TLL2: variants seen among roughly 807,000 people sequenced by gnomAD.
TLL2 encodes tolloid like 2.
A neutral mutation model predicts 123.0 loss-of-function variants in TLL2; 106 were observed. The observed-to-expected ratio is 0.86, with a 90% confidence interval of 0.74 to 1.01. The LOEUF is 1.01. TLL2 is among the 50% of genes least tolerant of loss of function. The probability of loss-of-function intolerance (pLI) is 0.00; values close to 1 mark genes in which losing one functional copy is unlikely to be tolerated. For missense variants in TLL2, 1,332 were observed against 1,336.7 expected (o/e 1.00, Z 0.06); for synonymous variants, 494 against 516.8 (o/e 0.96, Z 0.60).
intron 3 of TLL2, among the ~76,000 whole-genome samples, chr10:96,434,177 CT>C (rs1482702770): frequency 1.3e-5 from 2 of 152,054 alleles, no homozygotes; most frequent in African/African-American, 4.8e-5. Flanking sequence ...CTTCTTTTCT[CT>C]CTTATTTAAA....
At position 96,386,197 on chromosome 10, in the gene TLL2, A is replaced by G. The variant is rs1846233766; in HGVS notation, c.1871T>C (p.Ile624Thr). 1 of 1,600,374 alleles carries G rather than the reference A, an allele frequency of 6.2e-7. No homozygotes were observed. Among genetic ancestry groups the G allele is most frequent in the East Asian group, 2.3e-5 (1 of 44,360 alleles). The change falls in exon 15 of 21, where the codon ATT (isoleucine) becomes ACT (threonine). Residue 624 changes from isoleucine (I) to threonine (T), a missense_variant. Transcript: ENST00000357947. ...KMCEVACGGF[I>T]TKLNGTITSP... ...GGTGATGGTTCCATTCAGCTTGGTAATGAAACCGCCACAGGCCACTGCACG... is the reference window on the plus strand; with the variant it reads ...GGTGATGGTTCCATTCAGCTTGGTAGTGAAACCGCCACAGGCCACTGCACG...
At chr10:96,400,370 A>C (rs201079205) in intron 10 of TLL2, among the ~76,000 whole-genome samples, 16,585 of 151,208 alleles carry the variant, frequency 0.11, 1,154 homozygotes, top group South Asian at 0.19. Context: ...AAAAAAAAAA[A>C]AAAAAAAAAA....
chr10:96,370,161 C>G lies in TLL2; in HGVS notation c.2817G>C (p.Glu939Asp). The G allele has an allele frequency of 1.2e-6, 2 of 1,614,112 alleles. No homozygotes were observed. Among genetic ancestry groups the G allele is most frequent in the African/African-American group, 2.7e-5 (2 of 75,050 alleles). The change falls in exon 20 of 21, where the codon GAG becomes GAC. Residue 939 changes from glutamate (E) to aspartate (D), a missense_variant. By Grantham distance (45) the Glu-to-Asp change is conservative (BLOSUM62 2). Transcript: ENST00000357947. ...AGCCGCAGTCGGCCTCCTCCTCAAC[C>G]TCAAAGGTCCGGAATGTCAGCTCCA... ...YGVELTFRTF[E>D]VEEEADCGYD...
chr10:96,480,197 T>G, intron 2 of TLL2, 152 bp downstream of exon 2: 1 of 647,456 alleles, frequency 1.5e-6, no homozygotes, highest in Non-Finnish European at 2.7e-6. Context: ...CTGGCTCCAG[T>G]GGAGAAGGAG....
At chr10:96,473,185 T>C (rs1295301310) in intron 2 of TLL2, among the ~76,000 whole-genome samples, 2 of 152,154 alleles carry the variant, frequency 1.3e-5, no homozygotes, top group African/African-American at 4.8e-5. Flanking sequence ...CTGGGCGTGT[T>C]GGCTAATCCC....
At chr10:96,405,144 C>T (rs1215875281) in intron 10 of TLL2, 88 bp downstream of exon 10, 20 of 1,228,524 alleles carry the variant, frequency 1.6e-5, no homozygotes, top group Admixed American at 1.2e-4. Context: ...TTCCTGTGAC[C>T]GCTGTCAAGG....
At chr10:96,434,180 T>C (rs1199856244) in intron 3 of TLL2, among the ~76,000 whole-genome samples, 6 of 152,226 alleles carry the variant, frequency 3.9e-5, no homozygotes, top group Non-Finnish European at 1.5e-5. Flanking sequence ...CTTTTCTCTC[T>C]TATTTAAAAA....
intron 9 of TLL2, among the ~76,000 whole-genome samples, chr10:96,407,145 C>T (rs1463969904): frequency 2.0e-5 from 3 of 152,090 alleles, no homozygotes; most frequent in Non-Finnish European, 2.9e-5. Flanking sequence ...GCTCTCTGTG[C>T]CCCCATCTCA....
intron 4 of TLL2, 64 bp downstream of exon 4, chr10:96,432,743 A>C: frequency 6.4e-7 from 1 of 1,567,850 alleles, no homozygotes; most frequent in Non-Finnish European, 8.7e-7. Context: ...TCCTAGAAGG[A>C]CTCTCTCAAC....
rs1554939631 is a variant in TLL2 at position 96,476,241 on chromosome 10, T to TATATATATATATATATATATATATTC, written c.286+4107_286+4108insGAATATATATATATATATATATATAT. On this transcript the variant is annotated intron_variant, in intron 2 of 20. Coordinates refer to ENST00000357947, the MANE Select transcript of TLL2 (RefSeq NM_012465.4). ...TTATATGTATATATATATATATATA[T>TATATATATATATATATATATATATTC]TTTATTTTTGTTGTTGTTGTTGTTG... Among the ~76,000 whole-genome samples, 33 of 72,314 alleles carry TATATATATATATATATATATATATTC rather than the reference T, an allele frequency of 4.6e-4. 1 individual carries two copies. Among genetic ancestry groups the TATATATATATATATATATATATATTC allele is most frequent in the African/African-American group, 1.3e-3 (26 of 19,344 alleles). 47.4% of individuals were successfully genotyped at this position (72,314 alleles called of 152,430 possible).
In TLL2 at chr10:96,387,005, C is replaced by G; in HGVS notation, c.1800G>C (p.Lys600Asn). ...GCTCGTAGCCAGGGTCACAGGCACA[C>G]TTGTAGCTGCCCAGCGTGTTCACAC... ...HRCVNTLGSY[K>N]CACDPGYELA... is the part of the protein sequence containing the mutation. Residue 600 changes from lysine (K) to asparagine (N), a missense_variant, in exon 14 of 21, where the codon AAG becomes AAC. Physicochemically the swap from Lys to Asn is moderately conservative, Grantham distance 94. Transcript: ENST00000357947. 1 of 1,614,178 alleles carries G rather than the reference C, an allele frequency of 6.2e-7. No homozygotes were observed. Among genetic ancestry groups the G allele is most frequent in the Non-Finnish European group, 8.5e-7 (1 of 1,180,050 alleles).
At chr10:96,423,703 T>G (rs1415147176) in intron 5 of TLL2, among the ~76,000 whole-genome samples, 1 of 152,218 alleles carries the variant, frequency 6.6e-6, no homozygotes, top group Non-Finnish European at 1.5e-5. Flanking sequence ...TATGTGCATT[T>G]GAAATTTTGA....
intron 18 of TLL2, chr10:96,374,709 C>G (rs1460993357): frequency 6.6e-6 from 1 of 152,270 alleles, no homozygotes; most frequent in East Asian, 1.9e-4. Context: ...TTCTCCAACC[C>G]CCACTGCTAT....
chr10:96,421,075 C>G lies in TLL2; in HGVS notation c.818-14G>C, dbSNP rs750867593. On this transcript the variant is annotated splice_polypyrimidine_tract_variant and intron_variant, in intron 6 of 20. Transcript: ENST00000357947. ...TATACTCCTGACCTGTGACACAACA[C>G]TGTGTTAAGCCCTTTGAAAACCAAG... 2.5e-6 allele frequency: 4 copies of G among 1,606,018 alleles called. No individual in the cohort carries two copies. The East Asian group carries it at 8.9e-5, about 36-fold the overall frequency.
At chr10:96,476,248 T>TTTGTTG (rs1554939655) in intron 2 of TLL2, among the ~76,000 whole-genome samples, 26 of 69,194 alleles carry the variant, frequency 3.8e-4, no homozygotes, top group African/African-American at 8.1e-4. Flanking sequence ...ATATTTTATT[T>TTTGTTG]TTGTTGTTGT....
intron 1 of TLL2, 136 bp downstream of exon 1, chr10:96,513,374 TG>T: frequency 1.8e-6 from 2 of 1,124,888 alleles, no homozygotes; most frequent in Non-Finnish European, 2.5e-6. Flanking sequence ...TCGGAGGCAT[TG>T]TCTTCCGGGG....
chr10:96,407,369 G>A (rs1265290383), intron 9 of TLL2, among the ~76,000 whole-genome samples: 4 of 152,004 alleles, frequency 2.6e-5, no homozygotes, highest in Non-Finnish European at 1.5e-5. Flanking sequence ...TTCTAGAGCC[G>A]GTGTCTTTAG....
rs1428206991 is a variant in TLL2, at chr10:96,411,298, G to T, written c.1049-824C>A. 2.2e-5 allele frequency among the ~76,000 whole-genome samples: 3 copies of T among 135,834 alleles called. No homozygotes were observed. In the East Asian group the frequency reaches 6.3e-4, roughly 28 times the overall value. 89.1% of individuals were successfully genotyped at this position (135,834 alleles called of 152,430 possible). A position where few individuals can be genotyped will look rare whatever the true frequency, so the allele number is the denominator to read the frequency against. ...AAAAAAAAAAAAAAAAAAAAAAGTG[G>T]AAGTAGGTAAGACAAAAAGAAAAAA... On this transcript the variant is annotated intron_variant, in intron 8 of 20. Coordinates refer to ENST00000357947, the MANE Select transcript of TLL2 (RefSeq NM_012465.4).
intron 1 of TLL2, among the ~76,000 whole-genome samples, chr10:96,497,458 G>A (rs369259770): frequency 6.6e-6 from 1 of 152,156 alleles, no homozygotes; most frequent in Non-Finnish European, 1.5e-5. Context: ...TTCTGTGGAC[G>A]GCATCCTCCA....
Sources: allele counts gnomAD v4.1 joint callset (sites outside exome capture counted in the v4.1 genomes callset), GRCh38; gene constraint gnomAD v4.1.1; transcripts MANE v1.5; gene names NCBI Gene and HGNC (gene_info 2026-07-23, HGNC 2026-07-21).